DLGAP1: variants seen among roughly 807,000 people sequenced by gnomAD.
DLGAP1 encodes DLG associated protein 1.
Under a neutral mutation model 90.8 loss-of-function variants are expected in DLGAP1, and 11 were observed. The observed-to-expected ratio is 0.12, with a 90% confidence interval of 0.08 to 0.20. The LOEUF (loss-of-function observed/expected upper bound fraction) is 0.20, where lower values mean the gene tolerates loss of function less well. Among genes scored for constraint, DLGAP1 ranks in the 10% least tolerant of loss-of-function variants. DLGAP1 has a pLI of 1.00. For missense variants in DLGAP1, 1,050 were observed against 1,333.8 expected, an observed-to-expected ratio of 0.79 and a Z score of 3.31; for synonymous variants, 558 against 540.7, an observed-to-expected ratio of 1.03 and a Z score of -0.44.
At chr18:4,371,479 C>T (rs1441874409) in intron 1 of DLGAP1, among the ~76,000 whole-genome samples, 1 of 152,220 alleles carries the variant, frequency 6.6e-6, no homozygotes. Flanking sequence ...AGACAACCCT[C>T]TTAACCTGCA....
At chr18:3,846,755 A>G (rs1354541906) in intron 4 of DLGAP1, among the ~76,000 whole-genome samples, 2 of 152,202 alleles carry the variant, frequency 1.3e-5, no homozygotes, top group African/African-American at 4.8e-5. Flanking sequence ...CAGAATCTAT[A>G]GGGACAGAAA....
intron 7 of DLGAP1, among the ~76,000 whole-genome samples, chr18:3,590,839 A>T (rs1440462100): frequency 6.6e-6 from 1 of 151,820 alleles, no homozygotes; most frequent in Non-Finnish European, 1.5e-5. Flanking sequence ...GTGCCATTGC[A>T]CTCCAGCCTG....
chr18:4,157,761 C>A (rs188747256), intron 1 of DLGAP1, among the ~76,000 whole-genome samples: 2 of 152,278 alleles, frequency 1.3e-5, no homozygotes, highest in Admixed American at 6.5e-5. Context: ...ATGCACAATT[C>A]ATGGGAGTCT....
At chr18:4,167,775 G>T (rs574933633) in intron 1 of DLGAP1, among the ~76,000 whole-genome samples, 3 of 152,204 alleles carry the variant, frequency 2.0e-5, no homozygotes, top group African/African-American at 7.2e-5. Flanking sequence ...AATAGACAAA[G>T]ATCAATCATA....
At chr18:3,931,181 G>T (rs760820296) in intron 3 of DLGAP1, among the ~76,000 whole-genome samples, 2 of 152,138 alleles carry the variant, frequency 1.3e-5, no homozygotes, top group Non-Finnish European at 2.9e-5. Context: ...TCAGCTTCTC[G>T]CCGGCATCTC....
chr18:3,781,091 G>C (rs2065171181), intron 5 of DLGAP1, among the ~76,000 whole-genome samples: 1 of 152,210 alleles, frequency 6.6e-6, no homozygotes, highest in East Asian at 1.9e-4. Context: ...GCCTTTCAAA[G>C]TGCTGGGGTT....
chr18:3,828,813 C>T (rs1484757650), intron 4 of DLGAP1, among the ~76,000 whole-genome samples: 1 of 151,684 alleles, frequency 6.6e-6, no homozygotes, highest in Non-Finnish European at 1.5e-5. Flanking sequence ...ATCTATGACC[C>T]AAAGTCGATG....
intron 1 of DLGAP1, among the ~76,000 whole-genome samples, chr18:4,223,520 G>C (rs1460169550): frequency 6.6e-6 from 1 of 152,134 alleles, no homozygotes; most frequent in Non-Finnish European, 1.5e-5. Context: ...CATCGCATTT[G>C]TTTACAGGAA....
chr18:3,856,817 C>T (rs544672352), intron 4 of DLGAP1, among the ~76,000 whole-genome samples: 305 of 151,782 alleles, frequency 2.0e-3, no homozygotes, highest in Non-Finnish European at 2.8e-3. Context: ...GCCGAGATTC[C>T]GCCACCGCAC....
At chr18:4,423,851 TAAAAAAAAAAAAA>T in intron 1 of DLGAP1, among the ~76,000 whole-genome samples, 1 of 120,630 alleles carries the variant, frequency 8.3e-6, no homozygotes, top group East Asian at 2.4e-4. Flanking sequence ...CCCAGGAATT[TAAAAAAAAAAAAA>T]AAAAAAAAGT....
chr18:3,665,354 T>C (rs1325732552), intron 7 of DLGAP1, among the ~76,000 whole-genome samples: 2 of 151,580 alleles, frequency 1.3e-5, no homozygotes, highest in Non-Finnish European at 2.9e-5. Flanking sequence ...TCCATAACCA[T>C]TGCTCTCAGT....
chr18:4,442,872 G>A (rs2083569549), intron 1 of DLGAP1, among the ~76,000 whole-genome samples: 1 of 152,074 alleles, frequency 6.6e-6, no homozygotes, highest in African/African-American at 2.4e-5. Context: ...GCTCCACAAG[G>A]GCATGCCTTT....
In DLGAP1 at chr18:3,499,231, G is replaced by A. The variant is rs1414955158; in HGVS notation, c.2888C>T (p.Ala963Val). 4.4e-6 allele frequency: 7 copies of A among 1,600,912 alleles called. No homozygotes were observed. Among genetic ancestry groups the A allele is most frequent in the East Asian group, 2.3e-5 (1 of 44,382 alleles). ...SVRQNSATESAESIEIYIPEA... is the reference protein window; with the variant it reads ...SVRQNSATESVESIEIYIPEA... ...GGGGATGTAGATCTCGATGCTCTCG[G>A]CGCTCTCGGTGGCCGAGTTCTGGCG... Residue 963 changes from alanine (A) to valine (V), a missense_variant, in exon 13 of 13, where the codon GCC becomes GTC. Physicochemically the swap from Ala to Val is moderately conservative, Grantham distance 64. Coordinates refer to ENST00000315677, the MANE Select transcript of DLGAP1 (RefSeq NM_004746.4). The surrounding 1 kb of genome is among the most constrained non-coding windows in gnomAD (Gnocchi z 6.4).
intron 9 of DLGAP1, among the ~76,000 whole-genome samples, chr18:3,548,650 G>A (rs565228945): frequency 3.9e-5 from 6 of 151,978 alleles, no homozygotes; most frequent in South Asian, 2.1e-4. Context: ...CTCGGATCGC[G>A]CCACTGCACA....
intron 1 of DLGAP1, among the ~76,000 whole-genome samples, chr18:4,162,386 G>C (rs1022021608): frequency 6.6e-6 from 1 of 152,108 alleles, no homozygotes; most frequent in African/African-American, 2.4e-5. Flanking sequence ...TAAGGATGAA[G>C]TATGTCATGT....
At chr18:4,182,041 T>C (rs144223456) in intron 1 of DLGAP1, among the ~76,000 whole-genome samples, 2,327 of 152,232 alleles carry the variant, frequency 0.015, 80 homozygotes, top group South Asian at 0.13. Context: ...AGGGAGACCA[T>C]ACCCATCTTT....
In DLGAP1 at chr18:3,997,124, C is replaced by A. The variant is rs75320700; in HGVS notation, c.-73+7992G>T. Among the ~76,000 whole-genome samples the A allele has an allele frequency of 6.0e-5, 6 of 99,626 alleles. 2 individuals are homozygous for A. In the East Asian group the frequency reaches 1.8e-3, roughly 30 times the overall value. The allele number at this position is 99,626 out of a possible 152,430, so 65.4% of individuals were successfully genotyped here. A position where few individuals can be genotyped will look rare whatever the true frequency, so the allele number is the denominator to read the frequency against. On this transcript the variant is annotated intron_variant, in intron 3 of 12. Coordinates refer to ENST00000315677, the MANE Select transcript of DLGAP1 (RefSeq NM_004746.4). ...CCATGCCTTCGAGAAACCTTTCCCA[C>A]GGGAAAGGTTATTTTCGTCTAATGT...
intron 7 of DLGAP1, among the ~76,000 whole-genome samples, chr18:3,669,775 G>A (rs1051937605): frequency 1.3e-5 from 2 of 152,136 alleles, no homozygotes; most frequent in African/African-American, 2.4e-5. Context: ...CAGTTCTTCC[G>A]GTGCACCAAG....
intron 1 of DLGAP1, among the ~76,000 whole-genome samples, chr18:4,403,066 A>C (rs2082590095): frequency 6.6e-6 from 1 of 152,200 alleles, no homozygotes; most frequent in African/African-American, 2.4e-5. Context: ...ATAATATTGC[A>C]AACTAAAGGT....
Sources: allele counts gnomAD v4.1 joint callset (sites outside exome capture counted in the v4.1 genomes callset), GRCh38; gene constraint gnomAD v4.1.1; non-coding constraint Gnocchi (gnomAD v3.1); transcripts MANE v1.5; gene names NCBI Gene and HGNC (gene_info 2026-07-23, HGNC 2026-07-21).